Variants in TENM3 observed in about 807,000 individuals in gnomAD.
TENM3 encodes teneurin transmembrane protein 3.
In TENM3, 63 loss-of-function variants were observed where a neutral mutation model predicts 255.1. The observed-to-expected ratio is 0.25, with a 90% confidence interval of 0.20 to 0.30. The LOEUF is 0.30. Ranked by LOEUF, TENM3 falls within the 10% of genes least tolerant of loss-of-function variation. TENM3 has a pLI of 1.00. For synonymous variants in TENM3, 1,306 were observed against 1,322.3 expected, an observed-to-expected ratio of 0.99 and a Z score of 0.27; for missense variants, 2,929 against 3,461.1, an observed-to-expected ratio of 0.85 and a Z score of 3.86.
the TENM3 span, among the ~76,000 whole-genome samples, chr4:181,605,570 G>GAAAGAT: frequency 8.1e-5 from 2 of 24,788 alleles, 1 homozygote; most frequent in Non-Finnish European, 2.1e-4. Flanking sequence ...AAGAAAGAAA[G>GAAAGAT]AGAGAGAAAG....
chr4:181,674,892 T>C, the TENM3 span, among the ~76,000 whole-genome samples: 2 of 152,268 alleles, frequency 1.3e-5, no homozygotes, highest in South Asian at 4.1e-4. Context: ...TTTTCCCAAA[T>C]TGCTATCACA....
chr4:181,465,964 C>T, the TENM3 span, among the ~76,000 whole-genome samples: 1,456 of 152,218 alleles, frequency 9.6e-3, 22 homozygotes, highest in African/African-American at 0.032. Context: ...TAAAACTCTT[C>T]AGTTGACTCC....
At chr4:182,324,285 C>G (rs767465745) in intron 2 of TENM3, 33 bp downstream of exon 2, 2 of 1,473,850 alleles carry the variant, frequency 1.4e-6, no homozygotes, top group Non-Finnish European at 1.9e-6. Flanking sequence ...TAAGGCAATG[C>G]TCACGTTACT....
intron 13 of TENM3, among the ~76,000 whole-genome samples, chr4:182,724,859 A>G (rs1269142737): frequency 2.0e-5 from 3 of 152,188 alleles, no homozygotes; most frequent in Non-Finnish European, 4.4e-5. Flanking sequence ...TGCAAGGGAA[A>G]ACCTGCAAGA....
At chr4:181,465,814 G>C in the TENM3 span, among the ~76,000 whole-genome samples, 10 of 152,142 alleles carry the variant, frequency 6.6e-5, no homozygotes, top group Admixed American at 2.0e-4. Context: ...TTCACATGAG[G>C]AAGTTGCTAG....
chr4:181,636,381 C>G, the TENM3 span, among the ~76,000 whole-genome samples: 1 of 152,130 alleles, frequency 6.6e-6, no homozygotes, highest in Non-Finnish European at 1.5e-5. Context: ...TTGGAAGAAG[C>G]CCACCCACAT....
the TENM3 span, among the ~76,000 whole-genome samples, chr4:181,897,341 T>C: frequency 6.6e-6 from 1 of 152,192 alleles, no homozygotes; most frequent in African/African-American, 2.4e-5. Flanking sequence ...GACGCAGATA[T>C]AAAGACATAC....
chr4:181,704,780 C>T, the TENM3 span, among the ~76,000 whole-genome samples: 4 of 152,120 alleles, frequency 2.6e-5, no homozygotes, highest in South Asian at 6.2e-4. Context: ...TGTCTGTACT[C>T]CCAGCACTTT....
intron 1 of TENM3, among the ~76,000 whole-genome samples, chr4:182,320,477 C>A (rs1390344467): frequency 6.6e-6 from 1 of 152,172 alleles, no homozygotes; most frequent in Admixed American, 6.5e-5. Flanking sequence ...GGCCTTCTTT[C>A]CTATGTGTCT....
the TENM3 span, among the ~76,000 whole-genome samples, chr4:181,716,908 A>G: frequency 6.6e-6 from 1 of 152,270 alleles, no homozygotes; most frequent in Non-Finnish European, 1.5e-5. Flanking sequence ...ATACCTCACC[A>G]ACAAAAACTG....
the TENM3 span, among the ~76,000 whole-genome samples, chr4:181,879,697 G>A: frequency 0.83 from 126,436 of 152,036 alleles, 53,157 homozygotes; most frequent in Non-Finnish European, 0.88. Flanking sequence ...TCTAACTCAT[G>A]GAACGTTAGA....
At chr4:182,102,965 A>G in the TENM3 span, among the ~76,000 whole-genome samples, 1 of 152,232 alleles carries the variant, frequency 6.6e-6, no homozygotes, top group African/African-American at 2.4e-5. Context: ...CATAATAATA[A>G]CAGTGGCAAT....
At chr4:182,015,752 G>T in the TENM3 span, among the ~76,000 whole-genome samples, 2 of 151,698 alleles carry the variant, frequency 1.3e-5, no homozygotes, top group African/African-American at 4.8e-5. Context: ...GTAGAGATGG[G>T]GTTTCACCAT....
At chr4:181,889,901 C>T in the TENM3 span, among the ~76,000 whole-genome samples, 2 of 151,704 alleles carry the variant, frequency 1.3e-5, no homozygotes, top group Non-Finnish European at 1.5e-5. Context: ...ATCTGAATTC[C>T]ACTAGCTCTT....
chr4:182,237,375 C>CTTTTTT lies in TENM3; in HGVS notation c.-75-86568_-75-86563dup, dbSNP rs57257112. Among the ~76,000 whole-genome samples, 48 of 148,176 alleles carry CTTTTTT rather than the reference C, an allele frequency of 3.2e-4. 1 individual carries two copies. The highest frequency in any genetic ancestry group is 2.8e-4 in the Non-Finnish European group (19 of 67,494). ...CCTTTAAACCCAGACATTCTGTTTTCTTTTTTTTGAAACGGAGTCTCACTC... is the reference window on the plus strand; with the variant it reads ...CCTTTAAACCCAGACATTCTGTTTTCTTTTTTTTTTTTTTGAAACGGAGTCTCACTC... On this transcript the variant is annotated intron_variant, in intron 1 of 2. Coordinates refer to the TENM3 transcript ENST00000512480.
At chr4:182,006,448 G>A in the TENM3 span, among the ~76,000 whole-genome samples, 1 of 152,110 alleles carries the variant, frequency 6.6e-6, no homozygotes, top group Non-Finnish European at 1.5e-5. Flanking sequence ...TGCAGGCTTA[G>A]TCTTGGTAGG....
chr4:181,871,208 T>C, the TENM3 span, among the ~76,000 whole-genome samples: 2 of 152,048 alleles, frequency 1.3e-5, no homozygotes, highest in Non-Finnish European at 1.5e-5. Flanking sequence ...TTCTTTTTCA[T>C]GAACTTTTCT....
intron 3 of TENM3, among the ~76,000 whole-genome samples, chr4:182,395,007 G>A (rs1768704257): frequency 6.6e-6 from 1 of 152,126 alleles, no homozygotes; most frequent in Non-Finnish European, 1.5e-5. Context: ...AATATTGAAT[G>A]GTGGCAGATC....
At chr4:181,487,677 C>T in the TENM3 span, among the ~76,000 whole-genome samples, 1 of 152,112 alleles carries the variant, frequency 6.6e-6, no homozygotes, top group Admixed American at 6.6e-5. Flanking sequence ...GAGACACAAA[C>T]ATTCAGATCA....
Sources: gnomAD v4.1 joint callset for allele counts (sites outside exome capture counted in the v4.1 genomes callset) on GRCh38, gnomAD v4.1.1 for gene constraint, MANE v1.5 for transcripts, NCBI Gene and HGNC (gene_info 2026-07-23, HGNC 2026-07-21) for gene names.